SHANK2: variants seen among roughly 807,000 people sequenced by gnomAD.
The protein encoded by SHANK2 is SH3 and multiple ankyrin repeat domains 2.
Under a neutral mutation model 133.7 loss-of-function variants are expected in SHANK2, and 43 were observed. The ratio of observed to expected loss-of-function variants is 0.32; its 90% confidence interval spans 0.25 to 0.41. SHANK2 has a LOEUF of 0.41. Ranked by LOEUF, SHANK2 falls within the 10% of genes least tolerant of loss-of-function variation. The pLI, the probability that SHANK2 is intolerant of heterozygous loss-of-function variation, is 1.00. For synonymous variants in SHANK2, 1,017 were observed against 952.8 expected, an observed-to-expected ratio of 1.07 and a Z score of -1.24; for missense variants, 1,994 against 2,235.8, an observed-to-expected ratio of 0.89 and a Z score of 2.18.
chr11:70,818,536 T>G (rs1948451747), intron 12 of SHANK2, among the ~76,000 whole-genome samples: 1 of 152,154 alleles, frequency 6.6e-6, no homozygotes, highest in Non-Finnish European at 1.5e-5. Context: ...ACACTCTTTT[T>G]AAAACTGTAG....
intron 2 of SHANK2, among the ~76,000 whole-genome samples, chr11:71,171,717 C>T (rs573536984): frequency 2.0e-5 from 3 of 152,316 alleles, no homozygotes; most frequent in South Asian, 2.1e-4. Context: ...CACACAGACA[C>T]GCCCACGATA....
chr11:70,585,093 C>T (rs2060231538), intron 17 of SHANK2, among the ~76,000 whole-genome samples: 1 of 152,234 alleles, frequency 6.6e-6, no homozygotes. Flanking sequence ...CCTCGCAGCC[C>T]CTCTGAGCTG....
In SHANK2 at chr11:71,147,230, T is replaced by C; in HGVS notation, c.97A>G (p.Ile33Val). ...SESDSSKEETIYDTIRATAEK... is the reference protein window; with the variant it reads ...SESDSSKEETVYDTIRATAEK... ...GCAGTGGCCCGGATCGTGTCATAGATGGTCTCTTCTTTGGAGCTGTCTGAC... is the reference window on the plus strand; with the variant it reads ...GCAGTGGCCCGGATCGTGTCATAGACGGTCTCTTCTTTGGAGCTGTCTGAC... Residue 33 changes from isoleucine (I) to valine (V), a missense_variant, in exon 3 of 26, where the codon ATC (isoleucine) becomes GTC (valine). Transcript: ENST00000601538. 3.2e-6 allele frequency: 5 copies of C among 1,550,916 alleles called. No homozygotes were observed. The highest frequency in any genetic ancestry group is 3.5e-6 in the Non-Finnish European group (4 of 1,146,958).
chr11:70,492,519 G>A, intron 21 of SHANK2, 54 bp from the exon 22 acceptor site: 3 of 1,610,832 alleles, frequency 1.9e-6, no homozygotes, highest in Non-Finnish European at 1.7e-6. Context: ...GAAGCTGGGT[G>A]TAGATAGGAA....
chr11:70,489,187 A>C, intron 24 of SHANK2, 141 bp downstream of exon 24: 4 of 833,600 alleles, frequency 4.8e-6, no homozygotes. Flanking sequence ...TGGCTCGTTC[A>C]AAGTGTTCTC....
At chr11:70,580,569 C>T (rs2060171025) in intron 17 of SHANK2, among the ~76,000 whole-genome samples, 2 of 152,228 alleles carry the variant, frequency 1.3e-5, no homozygotes, top group South Asian at 4.1e-4. Flanking sequence ...AAATTGTGGG[C>T]ACCTGGTGGC....
chr11:70,780,005 A>G (rs1000059751), intron 14 of SHANK2, among the ~76,000 whole-genome samples: 1 of 152,108 alleles, frequency 6.6e-6, no homozygotes, highest in South Asian at 2.1e-4. Context: ...CAGGACTTGG[A>G]CCTATAAGGA....
At chr11:70,503,009 C>A in intron 17 of SHANK2, 78 bp from the exon 18 acceptor site, 2 of 1,525,434 alleles carry the variant, frequency 1.3e-6, no homozygotes, top group Non-Finnish European at 1.8e-6. Context: ...AAGGCAGAGA[C>A]ATGTGGGCTC....
In SHANK2 at chr11:70,820,475, G is replaced by A. The variant is rs1184957334; in HGVS notation, c.1382C>T (p.Ala461Val). 9.8e-6 allele frequency: 7 copies of A among 716,616 alleles called. No homozygotes were observed. The East Asian group carries it at 1.3e-4, about 14-fold the overall frequency. The allele number at this position is 716,616 out of a possible 1,614,324, so 44.4% of individuals were successfully genotyped here. A position where few individuals can be genotyped will look rare whatever the true frequency, so the allele number is the denominator to read the frequency against. Residue 461 changes from alanine (A) to valine (V), a missense_variant, in exon 12 of 26, where the codon GCG becomes GTG. Coordinates refer to ENST00000601538, the MANE Select transcript of SHANK2 (RefSeq NM_012309.5). Reference protein sequence around the residue: ...QQMPSKPEGAAKTIGSYVPGP... With the variant: ...QQMPSKPEGAVKTIGSYVPGP... ...GGGCACGTAGCTCCCAATGGTCTTC[G>A]CGGCCCCCTCGGGCTTGCTGGGCAT...
rs575326136 is a variant in SHANK2, at chr11:71,162,356, A to G, written c.-12-15018T>C. Among the ~76,000 whole-genome samples the G allele has an allele frequency of 2.9e-4, 44 of 152,294 alleles. No homozygotes were observed. In the South Asian group the frequency reaches 5.4e-3, roughly 19 times the overall value. Reference sequence around the variant, plus strand: ...TCTCTCTTCCTCTTCTATTGAAGCCATAAGTCCCATCATGGGGACCCCATG... The same window carrying G: ...TCTCTCTTCCTCTTCTATTGAAGCCGTAAGTCCCATCATGGGGACCCCATG... On this transcript the variant is annotated intron_variant, in intron 2 of 25. Transcript: ENST00000601538.
intron 14 of SHANK2, among the ~76,000 whole-genome samples, chr11:70,777,035 AC>A (rs35938900): frequency 0.44 from 66,432 of 150,326 alleles, 16,874 homozygotes; most frequent in East Asian, 0.63. Context: ...CCATTCATCT[AC>A]CCACCCACCC....
chr11:70,870,099 A>C (rs1197682916), intron 11 of SHANK2, among the ~76,000 whole-genome samples: 1 of 152,160 alleles, frequency 6.6e-6, no homozygotes, highest in Admixed American at 6.5e-5. Context: ...TAAATCCAAT[A>C]ATTAGTGTCC....
At chr11:70,657,947 G>A (rs1156532841) in intron 17 of SHANK2, among the ~76,000 whole-genome samples, 1 of 152,112 alleles carries the variant, frequency 6.6e-6, no homozygotes, top group South Asian at 2.1e-4. Context: ...CTGAGGCTCC[G>A]CTCACTGGGC....
chr11:71,250,921 G>A (rs1948167048), intron 1 of SHANK2, among the ~76,000 whole-genome samples: 1 of 152,118 alleles, frequency 6.6e-6, no homozygotes, highest in African/African-American at 2.4e-5. Context: ...TTAGCTGATT[G>A]GCCTCATTAA....
intron 11 of SHANK2, among the ~76,000 whole-genome samples, chr11:70,828,399 A>G (rs2135388273): frequency 6.6e-6 from 1 of 152,362 alleles, no homozygotes; most frequent in Non-Finnish European, 1.5e-5. Context: ...TCACCCTACC[A>G]TGCATCACCG....
intron 2 of SHANK2, among the ~76,000 whole-genome samples, chr11:71,163,085 A>G (rs1490928298): frequency 2.4e-5 from 2 of 84,690 alleles, no homozygotes; most frequent in Admixed American, 9.8e-5. Flanking sequence ...AAAAAAAAAA[A>G]AAAAAAAAAT....
rs1015335813 is a variant in SHANK2, at chr11:70,502,408, G to A, written c.2198-122C>T. On this transcript the variant is annotated intron_variant, in intron 18 of 25. Coordinates refer to ENST00000601538, the MANE Select transcript of SHANK2 (RefSeq NM_012309.5). ...CAGGCTGTTTGGCTGCGGTGGTCAG[G>A]GATTGTGCAGGTGTGCTTATGATGG... 1.5e-5 allele frequency: 13 copies of A among 862,992 alleles called. No individual in the cohort carries two copies. The African/African-American group carries it at 2.2e-4, about 14-fold the overall frequency. The allele number at this position is 862,992 out of a possible 1,614,324, so 53.5% of individuals were successfully genotyped here.
chr11:70,566,885 C>A (rs1278246455), intron 17 of SHANK2, among the ~76,000 whole-genome samples: 1 of 152,180 alleles, frequency 6.6e-6, no homozygotes, highest in Non-Finnish European at 1.5e-5. Flanking sequence ...AAGCCTCATG[C>A]CTTTGAAGTC....
chr11:71,221,218 A>G (rs1256275546), intron 2 of SHANK2, among the ~76,000 whole-genome samples: 1 of 152,136 alleles, frequency 6.6e-6, no homozygotes, highest in Non-Finnish European at 1.5e-5. Context: ...AAAAAAAAAA[A>G]AAGATGAAGA....
Sources: allele counts gnomAD v4.1 joint callset (sites outside exome capture counted in the v4.1 genomes callset), GRCh38; gene constraint gnomAD v4.1.1; transcripts MANE v1.5; gene names NCBI Gene and HGNC (gene_info 2026-07-23, HGNC 2026-07-21).